Variants in RAB28 observed in about 807,000 individuals in gnomAD.
RAB28 encodes the protein ras-related protein Rab-28.
Under a neutral mutation model 31.7 loss-of-function variants are expected in RAB28, and 24 were observed. The observed-to-expected ratio is 0.76, with a 90% CI of 0.55 to 1.06. The LOEUF (loss-of-function observed/expected upper bound fraction) is 1.06. Among genes scored for constraint, RAB28 ranks in the 50% least tolerant of loss-of-function variants. The probability of loss-of-function intolerance (pLI) is 0.00; values close to 1 mark genes in which losing one functional copy is unlikely to be tolerated. For missense variants in RAB28, 254 were observed against 258.5 expected, an observed-to-expected ratio of 0.98 and a Z score of 0.12; for synonymous variants, 100 against 90.4, an observed-to-expected ratio of 1.11 and a Z score of -0.60.
chr4:13,389,983 C>T (rs1183577788), intron 4 of RAB28, among the ~76,000 whole-genome samples: 1 of 152,162 alleles, frequency 6.6e-6, no homozygotes, highest in Non-Finnish European at 1.5e-5. Flanking sequence ...GAAGCATTCC[C>T]TTTGAAAACT....
chr4:13,426,660 T>C (rs981796153), intron 4 of RAB28, among the ~76,000 whole-genome samples: 1 of 152,184 alleles, frequency 6.6e-6, no homozygotes, highest in African/African-American at 2.4e-5. Context: ...TCATTTTTAA[T>C]TCCTAGTATT....
chr4:13,402,297 T>C (rs1711812597), intron 4 of RAB28, among the ~76,000 whole-genome samples: 2 of 152,228 alleles, frequency 1.3e-5, no homozygotes, highest in African/African-American at 4.8e-5. Flanking sequence ...TGATTCTCAG[T>C]CTACTTGTTA....
At chr4:13,427,087 T>C (rs1010170958) in intron 4 of RAB28, among the ~76,000 whole-genome samples, 21 of 152,334 alleles carry the variant, frequency 1.4e-4, no homozygotes, top group African/African-American at 4.8e-4. Context: ...CCCATAGACC[T>C]GATATTTTAA....
intron 4 of RAB28, among the ~76,000 whole-genome samples, chr4:13,435,472 T>C (rs901782540): frequency 9.9e-5 from 15 of 151,912 alleles, no homozygotes; most frequent in African/African-American, 3.6e-4. Flanking sequence ...ACAAGACTGA[T>C]AGACTGCCAG....
At chr4:13,378,992 C>T (rs545589446) in intron 5 of RAB28, among the ~76,000 whole-genome samples, 129 of 151,830 alleles carry the variant, frequency 8.5e-4, no homozygotes, top group Non-Finnish European at 1.4e-3. Flanking sequence ...GGGTGAATCA[C>T]GAGGTCAGTT....
In RAB28 at chr4:13,446,640, T is replaced by C. The variant is rs73819866; in HGVS notation, c.391+14059A>G. Among the ~76,000 whole-genome samples the C allele has an allele frequency of 1.7e-3, 265 of 152,272 alleles. 3 individuals are homozygous for C. The highest frequency in any genetic ancestry group is 6.0e-3 in the African/African-American group (248 of 41,564). On this transcript the variant is annotated intron_variant, in intron 4 of 6. Coordinates refer to ENST00000330852, the MANE Select transcript of RAB28 (RefSeq NM_001017979.3). ...TCCGTGCACTTCCCACGTGAAGCGATGCCCTATCCTGCTTCTGCTCGCTCT... is the reference window on the plus strand; with the variant it reads ...TCCGTGCACTTCCCACGTGAAGCGACGCCCTATCCTGCTTCTGCTCGCTCT...
chr4:13,381,687 T>C (rs1456691184), intron 4 of RAB28, 93 bp from the exon 5 acceptor site: 4 of 874,164 alleles, frequency 4.6e-6, no homozygotes, highest in Middle Eastern at 2.3e-4. Flanking sequence ...TCCAATATTA[T>C]ATTCCAGCTT....
intron 4 of RAB28, among the ~76,000 whole-genome samples, chr4:13,415,490 C>G (rs1712711582): frequency 6.6e-6 from 1 of 152,148 alleles, no homozygotes; most frequent in African/African-American, 2.4e-5. Context: ...GCACTCAGAG[C>G]GCCCGGCCAG....
In RAB28 at chr4:13,460,795, G is replaced by C; in HGVS notation, c.295C>G (p.Gln99Glu). 2 of 1,613,386 alleles carry C rather than the reference G, an allele frequency of 1.2e-6. No homozygotes were observed. Among genetic ancestry groups the C allele is most frequent in the South Asian group, 1.1e-5 (1 of 91,060 alleles). ...VLLVYDITNY[Q>E]SFENLEDWYT... ...CAATCTTCTAAATTCTCAAAGCTTT[G>C]ATAATTTGTAATATCATATACCAAG... The change falls in exon 4 of 7, where the codon CAA (glutamine) becomes GAA (glutamate). Residue 99 changes from glutamine (Q) to glutamate (E), a missense_variant. By Grantham distance (29) the Gln-to-Glu change is conservative. Coordinates refer to ENST00000330852, the MANE Select transcript of RAB28 (RefSeq NM_001017979.3).
chr4:13,470,140 C>T (rs1233408447), intron 3 of RAB28, among the ~76,000 whole-genome samples: 4 of 152,100 alleles, frequency 2.6e-5, no homozygotes, highest in Admixed American at 2.6e-4. Context: ...AAGGTTCTCC[C>T]ATTCCCAAAA....
At chr4:13,450,161 T>C (rs550082898) in intron 4 of RAB28, among the ~76,000 whole-genome samples, 15 of 151,838 alleles carry the variant, frequency 9.9e-5, no homozygotes, top group Non-Finnish European at 2.2e-4. Flanking sequence ...TCAGTACAGA[T>C]TATGATTTTT....
chr4:13,482,655 T>G (rs1382171362), intron 1 of RAB28, among the ~76,000 whole-genome samples: 1 of 152,162 alleles, frequency 6.6e-6, no homozygotes. Flanking sequence ...ATACAAAAAT[T>G]AATATACTTT....
chr4:13,436,510 T>A (rs894972681), intron 4 of RAB28, among the ~76,000 whole-genome samples: 5 of 152,150 alleles, frequency 3.3e-5, no homozygotes, highest in African/African-American at 9.7e-5. Flanking sequence ...CAGTAAAGTT[T>A]CAGGATACAA....
intron 4 of RAB28, among the ~76,000 whole-genome samples, chr4:13,429,348 T>C (rs1463353888): frequency 2.0e-5 from 3 of 152,148 alleles, no homozygotes; most frequent in Non-Finnish European, 4.4e-5. Flanking sequence ...TTTTCTCTAT[T>C]TGCAGATGAC....
intron 4 of RAB28, among the ~76,000 whole-genome samples, chr4:13,426,349 G>C (rs986800255): frequency 6.6e-6 from 1 of 151,612 alleles, no homozygotes; most frequent in Non-Finnish European, 1.5e-5. Context: ...CATCAGAAAC[G>C]AATCTCTGAG....
chr4:13,402,912 A>C (rs920159307), intron 4 of RAB28, among the ~76,000 whole-genome samples: 2 of 151,882 alleles, frequency 1.3e-5, no homozygotes, highest in Non-Finnish European at 2.9e-5. Context: ...CTCCCGCCTC[A>C]CCTCTCAAGT....
At position 13,422,213 on chromosome 4, in the gene RAB28, T is replaced by C. The variant is rs148768450; in HGVS notation, c.391+38486A>G. ...AAAACCACAATGAGATACCATCTCA[T>C]GCCAGTTAGAATGGTGATCATTAAA... is the stretch of plus-strand genomic sequence containing the variant. On this transcript the variant is annotated intron_variant, in intron 4 of 6. Transcript: ENST00000330852. 8.6e-3 allele frequency among the ~76,000 whole-genome samples: 1,310 copies of C among 152,256 alleles called. 19 individuals are homozygous for C. Among genetic ancestry groups the C allele is most frequent in the African/African-American group, 0.03 (1,233 of 41,536 alleles).
chr4:13,377,345 T>C (rs1192022235), intron 5 of RAB28, among the ~76,000 whole-genome samples: 1 of 152,222 alleles, frequency 6.6e-6, no homozygotes, highest in Non-Finnish European at 1.5e-5. Flanking sequence ...CATATTCTTA[T>C]CCCTATTCAT....
intron 5 of RAB28, among the ~76,000 whole-genome samples, chr4:13,376,828 C>T (rs1007646662): frequency 2.0e-5 from 3 of 151,970 alleles, no homozygotes; most frequent in Admixed American, 2.0e-4. Flanking sequence ...TTTAAAACTC[C>T]ATGCAATTCA....
Sources: allele counts gnomAD v4.1 joint callset (sites outside exome capture counted in the v4.1 genomes callset), GRCh38; gene constraint gnomAD v4.1.1; transcripts MANE v1.5; gene names NCBI Gene and HGNC (gene_info 2026-07-23, HGNC 2026-07-21).